Variants in RBFOX3 observed in about 807,000 individuals in gnomAD.
The protein encoded by RBFOX3 is RNA binding fox-1 homolog 3, also known as RNA binding protein fox-1 homolog 3.
Under a neutral mutation model 48.7 loss-of-function variants are expected in RBFOX3, and 17 were observed. That is an observed-to-expected ratio of 0.35 (90% CI 0.24 to 0.52). The LOEUF is 0.52. RBFOX3 is among the 20% of genes least tolerant of loss of function. RBFOX3 has a pLI of 0.94. For missense variants in RBFOX3, 382 were observed against 497.5 expected (o/e 0.77, Z 2.21); for synonymous variants, 212 against 209.5 (o/e 1.01, Z -0.10).
At position 79,125,143 on chromosome 17, in the gene RBFOX3, C is replaced by A. The variant is rs570458318; in HGVS notation, c.-33-9395G>T. ...GCGAGCCACCTGCTGCCTGTTGGAT[C>A]CTGATGACATGACGGTGTGGGGCGA... On this transcript the variant is annotated intron_variant, in intron 4 of 14. Coordinates refer to ENST00000693108, the MANE Select transcript of RBFOX3 (RefSeq NM_001350451.2). 4.6e-5 allele frequency among the ~76,000 whole-genome samples: 7 copies of A among 152,296 alleles called. No homozygotes were observed. In the East Asian group the frequency reaches 9.7e-4, roughly 21 times the overall value.
At chr17:79,203,587 G>A (rs1455365037) in intron 4 of RBFOX3, among the ~76,000 whole-genome samples, 2 of 105,000 alleles carry the variant, frequency 1.9e-5, no homozygotes, top group African/African-American at 3.8e-5. Flanking sequence ...GGTGGGTGGA[G>A]GGTGAAGGGG....
chr17:79,444,905 A>G (rs782183209), intron 2 of RBFOX3, among the ~76,000 whole-genome samples: 1 of 152,132 alleles, frequency 6.6e-6, no homozygotes, highest in Non-Finnish European at 1.5e-5. Context: ...CATTGCACCA[A>G]AAAGAAACCC....
At chr17:79,435,000 A>G (rs1555730287) in intron 2 of RBFOX3, among the ~76,000 whole-genome samples, 1 of 152,222 alleles carries the variant, frequency 6.6e-6, no homozygotes, top group Non-Finnish European at 1.5e-5. Context: ...GAAAACACCA[A>G]GGAAGGTAAC....
chr17:79,614,374 C>T (rs1353300341), upstream of RBFOX3, among the ~76,000 whole-genome samples: 6 of 152,224 alleles, frequency 3.9e-5, no homozygotes, highest in African/African-American at 1.4e-4. Flanking sequence ...AGAATCTCCT[C>T]TGGGGAATCT....
intron 4 of RBFOX3, among the ~76,000 whole-genome samples, chr17:79,139,222 C>T (rs956249286): frequency 3.9e-5 from 6 of 152,108 alleles, no homozygotes; most frequent in African/African-American, 1.4e-4. Flanking sequence ...AGGCACCCTC[C>T]CCACAAACAC....
chr17:79,269,702 C>A (rs905935965), intron 3 of RBFOX3, among the ~76,000 whole-genome samples: 1 of 152,098 alleles, frequency 6.6e-6, no homozygotes, highest in Non-Finnish European at 1.5e-5. Flanking sequence ...CCTGGCGGGG[C>A]CTGGGTCTTT....
At chr17:79,420,067 CAG>C (rs781814832) in intron 2 of RBFOX3, among the ~76,000 whole-genome samples, 90 of 150,254 alleles carry the variant, frequency 6.0e-4, no homozygotes, top group Non-Finnish European at 1.2e-3. Context: ...GCGGATGTTG[CAG>C]TGAGCTGAGA....
intron 4 of RBFOX3, among the ~76,000 whole-genome samples, chr17:79,139,102 CCA>C (rs1452463863): frequency 1.3e-5 from 2 of 151,586 alleles, no homozygotes; most frequent in Non-Finnish European, 2.9e-5. Flanking sequence ...ATGTTCACAC[CCA>C]CTCTCACCCA....
Position 79,122,299 on chromosome 17 carries a change from A to C in RBFOX3, c.-33-6551T>G, listed in dbSNP as rs939456981. ...CTCTGTCCTCTGCACAGTAGAACCC[A>C]AAGTCCTGAGACGGCCCCTCCCCCA... is the stretch of plus-strand genomic sequence containing the variant. On this transcript the variant is annotated intron_variant, in intron 4 of 14. Coordinates refer to ENST00000693108, the MANE Select transcript of RBFOX3 (RefSeq NM_001350451.2). Among the ~76,000 whole-genome samples the C allele has an allele frequency of 7.2e-5, 11 of 152,258 alleles. 1 individual carries two copies. Among genetic ancestry groups the C allele is most frequent in the African/African-American group, 2.6e-4 (11 of 41,538 alleles).
At chr17:79,224,721 C>T (rs2060117166) in intron 4 of RBFOX3, among the ~76,000 whole-genome samples, 1 of 152,210 alleles carries the variant, frequency 6.6e-6, no homozygotes, top group Non-Finnish European at 1.5e-5. Context: ...TAATTATTAA[C>T]AGGGCTGCAG....
chr17:79,416,153 G>A (rs2065318371), intron 2 of RBFOX3, among the ~76,000 whole-genome samples: 1 of 152,228 alleles, frequency 6.6e-6, no homozygotes, highest in Admixed American at 6.5e-5. Flanking sequence ...GCCAAGGGCT[G>A]CCACCTGCAC....
At chr17:79,330,976 C>T (rs181378427) in intron 2 of RBFOX3, among the ~76,000 whole-genome samples, 1 of 152,292 alleles carries the variant, frequency 6.6e-6, no homozygotes, top group East Asian at 1.9e-4. Context: ...TATGTTGCTC[C>T]TGTTTCATGA....
chr17:79,273,509 C>T (rs1263549670), intron 3 of RBFOX3, among the ~76,000 whole-genome samples: 1 of 151,624 alleles, frequency 6.6e-6, no homozygotes, highest in African/African-American at 2.4e-5. Context: ...TCCCAGTGGT[C>T]CCCCAGTGAA....
At chr17:79,572,306 T>C (rs939672391) in intron 1 of RBFOX3, among the ~76,000 whole-genome samples, 1 of 152,158 alleles carries the variant, frequency 6.6e-6, no homozygotes, top group Non-Finnish European at 1.5e-5. Context: ...CCACCCGGCT[T>C]AGCCATCCCT....
intron 5 of RBFOX3, among the ~76,000 whole-genome samples, chr17:79,113,094 T>C (rs961350827): frequency 6.6e-6 from 1 of 152,076 alleles, no homozygotes; most frequent in Non-Finnish European, 1.5e-5. Flanking sequence ...AATACCAGGC[T>C]GCTTGGGGCA....
intron 2 of RBFOX3, among the ~76,000 whole-genome samples, chr17:79,342,231 T>C (rs186878274): frequency 1.3e-5 from 2 of 152,388 alleles, no homozygotes; most frequent in East Asian, 3.9e-4. Context: ...GAATAAAACA[T>C]TAGACTTTGC....
chr17:79,499,137 C>T (rs985329030), intron 1 of RBFOX3, among the ~76,000 whole-genome samples: 1 of 151,430 alleles, frequency 6.6e-6, no homozygotes, highest in Admixed American at 6.6e-5. Context: ...TCCACCCACC[C>T]ATCCATTCAC....
intron 4 of RBFOX3, among the ~76,000 whole-genome samples, chr17:79,176,554 C>G (rs1176982599): frequency 6.6e-6 from 1 of 152,260 alleles, no homozygotes; most frequent in African/African-American, 2.4e-5. Context: ...GCTGGTGACA[C>G]AAGAAGTCGG....
chr17:79,503,999 G>C (rs2082724312), intron 1 of RBFOX3, among the ~76,000 whole-genome samples: 1 of 68,010 alleles, frequency 1.5e-5, no homozygotes, highest in African/African-American at 4.3e-5. Flanking sequence ...GGGCGGGGTG[G>C]CAGGGTGCTC....
Sources: allele counts gnomAD v4.1 joint callset (sites outside exome capture counted in the v4.1 genomes callset), GRCh38; gene constraint gnomAD v4.1.1; transcripts MANE v1.5; gene names NCBI Gene and HGNC (gene_info 2026-07-23, HGNC 2026-07-21).